Variants in THRB observed in about 807,000 individuals in gnomAD.
THRB encodes thyroid hormone receptor beta, also known as nuclear receptor subfamily 1 group A member 2.
THRB carries 12 observed loss-of-function variants against 47.8 expected under a neutral mutation model. The ratio of observed to expected loss-of-function variants is 0.25; its 90% CI spans 0.16 to 0.41. The LOEUF (loss-of-function observed/expected upper bound fraction) is 0.41. THRB is among the 10% of genes least tolerant of loss of function. The pLI is 1.00. For missense variants in THRB, 348 were observed against 589.2 expected (o/e 0.59, Z 4.24); for synonymous variants, 218 against 212.2 (o/e 1.03, Z -0.24).
intron 3 of THRB, among the ~76,000 whole-genome samples, chr3:24,288,309 C>T (rs929820542): frequency 1.3e-5 from 2 of 152,220 alleles, no homozygotes; most frequent in Admixed American, 1.3e-4. Context: ...GATTTCTAAA[C>T]CAACATTGTG....
chr3:24,312,154 C>T (rs2057799516), intron 2 of THRB, among the ~76,000 whole-genome samples: 1 of 152,176 alleles, frequency 6.6e-6, no homozygotes, highest in Non-Finnish European at 1.5e-5. Context: ...GTTAAATGTC[C>T]TTCCTTTGGG....
chr3:24,480,236 T>A (rs1426916853), intron 1 of THRB, among the ~76,000 whole-genome samples: 1 of 152,178 alleles, frequency 6.6e-6, no homozygotes, highest in African/African-American at 2.4e-5. Flanking sequence ...TTTGAAAGAA[T>A]ATTGCACTGG....
intron 3 of THRB, among the ~76,000 whole-genome samples, chr3:24,247,341 G>C (rs1272967288): frequency 6.6e-6 from 1 of 152,106 alleles, no homozygotes; most frequent in African/African-American, 2.4e-5. Context: ...TGTTCTAAAG[G>C]GTTCTGATAA....
chr3:24,487,639 G>A (rs1697507326), intron 1 of THRB, among the ~76,000 whole-genome samples: 1 of 152,178 alleles, frequency 6.6e-6, no homozygotes, highest in South Asian at 2.1e-4. Flanking sequence ...TGGGACATCA[G>A]GGTGACTGTA....
At chr3:24,211,382 AG>A (rs1373724387) in intron 4 of THRB, among the ~76,000 whole-genome samples, 1 of 152,224 alleles carries the variant, frequency 6.6e-6, no homozygotes, top group Non-Finnish European at 1.5e-5. Context: ...GAAACAGTAC[AG>A]GAAACTTCCT....
Position 24,327,034 on chromosome 3 carries a change from A to G in THRB, c.-189+10266T>C, listed in dbSNP as rs367624378. On this transcript the variant is annotated intron_variant, in intron 2 of 10. Coordinates refer to ENST00000646209, the MANE Select transcript of THRB (RefSeq NM_001354712.2). Reference sequence around the variant, plus strand: ...CGCCTCAGCTTCCCAAAGTGATGGGATTACAGGCGTGAGCCACTGCTCCCT... The same window carrying G: ...CGCCTCAGCTTCCCAAAGTGATGGGGTTACAGGCGTGAGCCACTGCTCCCT... Among the ~76,000 whole-genome samples the G allele has an allele frequency of 5.1e-3, 774 of 152,178 alleles. 3 individuals are homozygous for G. Among genetic ancestry groups the G allele is most frequent in the African/African-American group, 0.017 (725 of 41,538 alleles).
At chr3:24,186,944 CAAAAAAAAAA>C (rs71057655) in intron 5 of THRB, among the ~76,000 whole-genome samples, 12 of 77,520 alleles carry the variant, frequency 1.5e-4, no homozygotes, top group Non-Finnish European at 2.9e-4. Flanking sequence ...GACTCCATTT[CAAAAAAAAAA>C]AAAAAAAAAA....
intron 6 of THRB, among the ~76,000 whole-genome samples, chr3:24,147,962 A>C (rs2036335235): frequency 6.6e-6 from 1 of 152,056 alleles, no homozygotes; most frequent in Non-Finnish European, 1.5e-5. Flanking sequence ...TCCACATCTT[A>C]CTTGCTTAAC....
intron 1 of THRB, among the ~76,000 whole-genome samples, chr3:24,428,803 G>T (rs1221456350): frequency 6.6e-6 from 1 of 150,848 alleles, no homozygotes; most frequent in African/African-American, 2.4e-5. Flanking sequence ...TCATCAAGAA[G>T]AATACTCTCC....
intron 2 of THRB, among the ~76,000 whole-genome samples, chr3:24,301,626 C>T (rs1205050295): frequency 6.6e-6 from 1 of 152,176 alleles, no homozygotes; most frequent in Non-Finnish European, 1.5e-5. Flanking sequence ...ATTTCCCTGA[C>T]ACTTGGGGTA....
chr3:24,229,242 C>T (rs1965855), intron 3 of THRB, among the ~76,000 whole-genome samples: 3 of 151,854 alleles, frequency 2.0e-5, no homozygotes, highest in African/African-American at 7.2e-5. Context: ...TTTTATCAAG[C>T]GCACATTTTT....
At chr3:24,124,547 T>C (rs1410011915) in intron 10 of THRB, among the ~76,000 whole-genome samples, 1 of 152,170 alleles carries the variant, frequency 6.6e-6, no homozygotes, top group African/African-American at 2.4e-5. Context: ...CGAGTACAAA[T>C]TGACATTTTG....
intron 3 of THRB, among the ~76,000 whole-genome samples, chr3:24,229,941 G>A (rs528077491): frequency 1.3e-5 from 2 of 152,106 alleles, no homozygotes; most frequent in Non-Finnish European, 2.9e-5. Flanking sequence ...CTGGAAACAC[G>A]ATTTCTTCAG....
At chr3:24,288,809 G>A (rs1368607151) in intron 3 of THRB, among the ~76,000 whole-genome samples, 2 of 152,194 alleles carry the variant, frequency 1.3e-5, no homozygotes, top group South Asian at 2.1e-4. Flanking sequence ...ACTGGAAAGC[G>A]TCAGTTCACT....
intron 3 of THRB, among the ~76,000 whole-genome samples, chr3:24,233,183 CCT>C (rs2048422796): frequency 6.6e-6 from 1 of 152,148 alleles, no homozygotes; most frequent in African/African-American, 2.4e-5. Context: ...ATTATTGAAT[CCT>C]CTGAAACTGA....
intron 3 of THRB, among the ~76,000 whole-genome samples, chr3:24,238,896 G>T (rs2049191721): frequency 6.6e-6 from 1 of 151,796 alleles, no homozygotes; most frequent in South Asian, 2.1e-4. Context: ...CAAAGCTCTT[G>T]CAGAAATTGA....
At chr3:24,212,195 G>A (rs776615145) in intron 4 of THRB, among the ~76,000 whole-genome samples, 2 of 152,014 alleles carry the variant, frequency 1.3e-5, no homozygotes, top group Non-Finnish European at 2.9e-5. Flanking sequence ...TCAGGAGTTC[G>A]AGACCAGCCT....
At position 24,127,743 on chromosome 3, in the gene THRB, G is replaced by A. The variant is rs757620220; in HGVS notation, c.900C>T (p.Asp300=). The change falls in exon 10 of 11, where the codon GAC becomes GAT. Residue 300 remains aspartate (D), a synonymous_variant. Transcript: ENST00000646209. ...AGCAGCCTTTGAGGAGGATGATCTG[G>A]TCTTCACATGGCAGCTGAAAAGAAC... ...LPMFCELPCE[D]QIILLKGCCM... is the part of the protein sequence containing the mutation. The A allele has an allele frequency of 1.9e-6, 3 of 1,614,216 alleles. No homozygotes were observed. The highest frequency in any genetic ancestry group is 4.5e-5 in the East Asian group (2 of 44,886).
chr3:24,463,537 C>A, intron 1 of THRB, among the ~76,000 whole-genome samples: 1 of 152,176 alleles, frequency 6.6e-6, no homozygotes, highest in South Asian at 2.1e-4. Context: ...GGATTACAGG[C>A]ATGAGCCACC....
Sources: gnomAD v4.1 joint callset for allele counts (sites outside exome capture counted in the v4.1 genomes callset) on GRCh38, gnomAD v4.1.1 for gene constraint, MANE v1.5 for transcripts, NCBI Gene and HGNC (gene_info 2026-07-23, HGNC 2026-07-21) for gene names.